CPQ: variants seen among roughly 807,000 people sequenced by gnomAD.
CPQ encodes carboxypeptidase Q, also known as Ser-Met dipeptidase.
CPQ carries 37 observed loss-of-function variants against 45.7 expected under a neutral mutation model. The ratio of observed to expected loss-of-function variants is 0.81; its 90% CI spans 0.62 to 1.07. The LOEUF is 1.07. Ranked by LOEUF, CPQ falls within the 50% of genes least tolerant of loss-of-function variation. CPQ has a pLI of 0.00. For missense variants in CPQ, 537 were observed against 572.9 expected (o/e 0.94, Z 0.64); for synonymous variants, 186 against 205.8 (o/e 0.90, Z 0.82).
intron 5 of CPQ, among the ~76,000 whole-genome samples, chr8:97,016,447 T>C (rs1809581338): frequency 6.6e-6 from 1 of 152,236 alleles, no homozygotes; most frequent in Non-Finnish European, 1.5e-5. Context: ...CCCTTTTATT[T>C]ATATTTATAC....
intron 4 of CPQ, among the ~76,000 whole-genome samples, chr8:96,949,531 C>T (rs1447919016): frequency 6.6e-6 from 1 of 152,068 alleles, no homozygotes; most frequent in African/African-American, 2.4e-5. Context: ...GGGGATATCA[C>T]ATACTCTGTT....
intron 2 of CPQ, among the ~76,000 whole-genome samples, chr8:96,827,391 T>C (rs1811393678): frequency 1.3e-5 from 2 of 152,102 alleles, no homozygotes; most frequent in South Asian, 4.1e-4. Flanking sequence ...CAGCCTGATG[T>C]AGAATCTTTA....
intron 1 of CPQ, among the ~76,000 whole-genome samples, chr8:96,743,374 C>T (rs1418672422): frequency 1.3e-5 from 2 of 151,782 alleles, no homozygotes; most frequent in Non-Finnish European, 2.9e-5. Flanking sequence ...GTTATACATT[C>T]TTCTAAATTT....
At chr8:96,862,004 G>T (rs895249831) in intron 3 of CPQ, among the ~76,000 whole-genome samples, 1 of 152,196 alleles carries the variant, frequency 6.6e-6, no homozygotes, top group African/African-American at 2.4e-5. Context: ...ATCAACAAGT[G>T]ATGGGATCTC....
chr8:96,947,531 A>G (rs1045397374), intron 4 of CPQ, among the ~76,000 whole-genome samples: 3 of 151,986 alleles, frequency 2.0e-5, no homozygotes, highest in African/African-American at 7.2e-5. Flanking sequence ...CTTATAATTG[A>G]TTTGGCTATT....
chr8:96,686,753 G>A (rs1008778700), intron 1 of CPQ, among the ~76,000 whole-genome samples: 22 of 151,852 alleles, frequency 1.4e-4, no homozygotes, highest in African/African-American at 5.1e-4. Flanking sequence ...ACTTTGAATG[G>A]CATTAAAGTT....
chr8:96,742,515 A>G (rs1479066076), intron 1 of CPQ, among the ~76,000 whole-genome samples: 2 of 151,430 alleles, frequency 1.3e-5, no homozygotes, highest in Non-Finnish European at 2.9e-5. Flanking sequence ...TGATCCTGTC[A>G]TTATGATGTT....
At chr8:97,109,927 T>A (rs1013244942) in intron 7 of CPQ, among the ~76,000 whole-genome samples, 6 of 152,192 alleles carry the variant, frequency 3.9e-5, no homozygotes, top group African/African-American at 1.4e-4. Flanking sequence ...CCATGGAGCC[T>A]TCTTGAGGCA....
At chr8:97,034,354 T>C (rs1427961053) in intron 6 of CPQ, among the ~76,000 whole-genome samples, 1 of 152,182 alleles carries the variant, frequency 6.6e-6, no homozygotes, top group Non-Finnish European at 1.5e-5. Context: ...ATAAAAGATT[T>C]CTCTTCTTAA....
intron 1 of CPQ, among the ~76,000 whole-genome samples, chr8:96,646,848 G>A (rs1009463768): frequency 1.3e-5 from 2 of 152,156 alleles, no homozygotes; most frequent in Admixed American, 1.3e-4. Flanking sequence ...CTTCTTTGCT[G>A]TTTACAGCTC....
chr8:97,118,632 G>A (rs893337088), intron 7 of CPQ, among the ~76,000 whole-genome samples: 3 of 152,092 alleles, frequency 2.0e-5, no homozygotes, highest in South Asian at 2.1e-4. Context: ...ACATTCTGCC[G>A]TCACGTAATG....
At chr8:96,680,169 T>C (rs1001988731) in intron 1 of CPQ, among the ~76,000 whole-genome samples, 6 of 152,212 alleles carry the variant, frequency 3.9e-5, no homozygotes, top group African/African-American at 1.2e-4. Context: ...TATTTCCTCA[T>C]TGATGCAATA....
intron 4 of CPQ, among the ~76,000 whole-genome samples, chr8:96,925,630 G>T (rs1018097242): frequency 6.6e-6 from 1 of 151,766 alleles, no homozygotes; most frequent in African/African-American, 2.4e-5. Flanking sequence ...TGATCTGCCC[G>T]CCTTGGCCTC....
chr8:96,740,881 AT>A (rs1458387213), intron 1 of CPQ, among the ~76,000 whole-genome samples: 2 of 152,026 alleles, frequency 1.3e-5, no homozygotes, highest in African/African-American at 4.8e-5. Flanking sequence ...TTTATTGAGG[AT>A]TTTTGCATCA....
chr8:97,102,074 A>G (rs1050361507), intron 7 of CPQ, among the ~76,000 whole-genome samples: 13 of 152,104 alleles, frequency 8.5e-5, no homozygotes, highest in Admixed American at 2.0e-4. Flanking sequence ...TTAGGGAGAT[A>G]AGATCTAGCT....
At chr8:97,031,159 TA>T (rs987426254) in intron 6 of CPQ, among the ~76,000 whole-genome samples, 4 of 148,076 alleles carry the variant, frequency 2.7e-5, no homozygotes, top group African/African-American at 9.9e-5. Flanking sequence ...GGACTTTATA[TA>T]AAAAAAAGAA....
intron 5 of CPQ, among the ~76,000 whole-genome samples, chr8:96,978,982 T>C (rs1335361854): frequency 2.6e-5 from 4 of 151,662 alleles, no homozygotes; most frequent in Non-Finnish European, 5.9e-5. Context: ...AAGGAGCTCA[T>C]AGTCAGGCAA....
At chr8:96,722,551 C>T (rs1193893862) in intron 1 of CPQ, among the ~76,000 whole-genome samples, 1 of 152,092 alleles carries the variant, frequency 6.6e-6, no homozygotes, top group Non-Finnish European at 1.5e-5. Flanking sequence ...TTGCTGACCA[C>T]TGGTCTACAT....
At chr8:96,943,127 C>A (rs1813145374) in intron 4 of CPQ, among the ~76,000 whole-genome samples, 1 of 152,126 alleles carries the variant, frequency 6.6e-6, no homozygotes, top group South Asian at 2.1e-4. Context: ...CAGACCCATA[C>A]AAATCCTCTT....
Sources: allele counts gnomAD v4.1 joint callset (sites outside exome capture counted in the v4.1 genomes callset), GRCh38; gene constraint gnomAD v4.1.1; transcripts MANE v1.5; gene names NCBI Gene and HGNC (gene_info 2026-07-23, HGNC 2026-07-21).